Variants in GRIP1 observed in about 807,000 individuals in gnomAD.
The protein encoded by GRIP1 is glutamate receptor interacting protein 1.
In GRIP1, 45 loss-of-function variants were observed where a neutral mutation model predicts 129.9. The ratio of observed to expected loss-of-function variants is 0.35; its 90% CI spans 0.27 to 0.44. The LOEUF (loss-of-function observed/expected upper bound fraction) is 0.44. Among genes scored for constraint, GRIP1 ranks in the 20% least tolerant of loss-of-function variants. The pLI, the probability that GRIP1 is intolerant of heterozygous loss-of-function variation, is 1.00. For missense variants in GRIP1, 1,196 were observed against 1,396.8 expected (o/e 0.86, Z 2.29); for synonymous variants, 530 against 520.8 (o/e 1.02, Z -0.24).
intron 15 of GRIP1, among the ~76,000 whole-genome samples, chr12:66,416,402 T>C (rs1442479044): frequency 6.6e-6 from 1 of 151,742 alleles, no homozygotes; most frequent in Non-Finnish European, 1.5e-5. Context: ...AAATAAATAA[T>C]AAAGATCAGA....
In GRIP1 at chr12:66,872,890, G is replaced by A. The variant is rs143512396; in HGVS notation, c.58+196160C>T. On this transcript the variant is annotated intron_variant, in intron 1 of 1. Coordinates refer to the GRIP1 transcript ENST00000643019. ...CACAGTGGGTCAGGAAATTGGATGG[G>A]ACACAGAGGACATATGTTCTTTCTG... 9.9e-5 allele frequency among the ~76,000 whole-genome samples: 15 copies of A among 152,174 alleles called. No homozygotes were observed. In the East Asian group the frequency reaches 2.9e-3, roughly 29 times the overall value.
chr12:66,368,847 G>A (rs1383417738), intron 23 of GRIP1, among the ~76,000 whole-genome samples: 1 of 152,136 alleles, frequency 6.6e-6, no homozygotes, highest in Non-Finnish European at 1.5e-5. Flanking sequence ...CTTTTGTAAT[G>A]ACCATATCTC....
At chr12:66,711,970 C>T (rs1039239457) in intron 1 of GRIP1, among the ~76,000 whole-genome samples, 3 of 151,912 alleles carry the variant, frequency 2.0e-5, no homozygotes, top group African/African-American at 7.2e-5. Context: ...TCATGCAAAA[C>T]TACCACATGT....
intron 1 of GRIP1, among the ~76,000 whole-genome samples, chr12:66,695,460 G>A (rs199780443): frequency 3.9e-5 from 6 of 152,142 alleles, no homozygotes; most frequent in South Asian, 2.1e-4. Context: ...GTGACTTGTC[G>A]GTGGTTGGCT....
At chr12:66,410,426 G>A (rs2057356495) in intron 15 of GRIP1, among the ~76,000 whole-genome samples, 1 of 150,436 alleles carries the variant, frequency 6.6e-6, no homozygotes, top group Non-Finnish European at 1.5e-5. Context: ...GAGGTCAGGA[G>A]TTCGAGACAA....
intron 1 of GRIP1, among the ~76,000 whole-genome samples, chr12:67,057,857 A>G (rs568294613): frequency 5.7e-4 from 87 of 152,368 alleles, no homozygotes; most frequent in African/African-American, 2.0e-3. Context: ...TGCCTTGTTC[A>G]AGGTTTTCAT....
chr12:66,707,637 G>C (rs185872854), intron 1 of GRIP1, among the ~76,000 whole-genome samples: 31 of 151,852 alleles, frequency 2.0e-4, no homozygotes, highest in Admixed American at 1.4e-3. Flanking sequence ...TTGCAAGTGG[G>C]GGAAAAGATG....
rs1324115093 is a variant in GRIP1, at chr12:66,348,636, C to T, written c.*383G>A. ...ACATTAATGACTTCATAGTAAGAAA[C>T]TGATTTCAAAGTGAATTAAGGAAAT... On this transcript the variant is annotated 3_prime_UTR_variant, in exon 25 of 25. Transcript: ENST00000359742. 7 of 235,852 alleles carry T rather than the reference C, an allele frequency of 3.0e-5. No homozygotes were observed. The East Asian group carries it at 6.2e-4, about 21-fold the overall frequency. The allele number at this position is 235,852 out of a possible 1,614,324, so 14.6% of individuals were successfully genotyped here.
At chr12:66,840,716 G>C (rs2039700504) in intron 1 of GRIP1, among the ~76,000 whole-genome samples, 1 of 152,166 alleles carries the variant, frequency 6.6e-6, no homozygotes, top group African/African-American at 2.4e-5. Context: ...TGCCAAGCTT[G>C]ATAGAACAAG....
At chr12:66,770,987 G>A (rs1451329008) in intron 1 of GRIP1, among the ~76,000 whole-genome samples, 1 of 152,120 alleles carries the variant, frequency 6.6e-6, no homozygotes, top group African/African-American at 2.4e-5. Flanking sequence ...CAGCTACTCG[G>A]GAGGCTGAGG....
At chr12:66,689,483 T>C (rs1234963843) in intron 1 of GRIP1, among the ~76,000 whole-genome samples, 1 of 152,196 alleles carries the variant, frequency 6.6e-6, no homozygotes, top group East Asian at 1.9e-4. Context: ...AGTCTATATA[T>C]ACATTTCAAA....
chr12:66,851,297 T>C (rs1189082605), intron 1 of GRIP1, among the ~76,000 whole-genome samples: 1 of 151,950 alleles, frequency 6.6e-6, no homozygotes, highest in Non-Finnish European at 1.5e-5. Context: ...GAGACGGGGC[T>C]GCACAGTAAA....
intron 2 of GRIP1, among the ~76,000 whole-genome samples, chr12:66,578,438 C>T (rs1178932603): frequency 6.6e-6 from 1 of 152,148 alleles, no homozygotes; most frequent in African/African-American, 2.4e-5. Flanking sequence ...CGTGCGCGAG[C>T]CAAAGCAGGG....
intron 1 of GRIP1, among the ~76,000 whole-genome samples, chr12:66,791,341 C>T (rs1055087809): frequency 1.1e-4 from 17 of 152,046 alleles, no homozygotes; most frequent in African/African-American, 3.4e-4. Flanking sequence ...AAGAGAGGTG[C>T]GATTTGGGAA....
chr12:66,396,104 T>C (rs1341140192), intron 16 of GRIP1, among the ~76,000 whole-genome samples: 2 of 152,236 alleles, frequency 1.3e-5, no homozygotes, highest in African/African-American at 4.8e-5. Context: ...ATTTGATTAG[T>C]AGTCCCTGGC....
At chr12:67,047,286 T>C (rs889743219) in intron 1 of GRIP1, among the ~76,000 whole-genome samples, 3 of 152,174 alleles carry the variant, frequency 2.0e-5, no homozygotes, top group Admixed American at 6.5e-5. Context: ...TTCACTTTAC[T>C]AACTTAAAAA....
chr12:66,737,229 T>C (rs1363233724), intron 1 of GRIP1, among the ~76,000 whole-genome samples: 1 of 152,206 alleles, frequency 6.6e-6, no homozygotes, highest in Non-Finnish European at 1.5e-5. Flanking sequence ...TTCTAGGTTC[T>C]GCAAATTGTC....
At chr12:66,895,260 G>T (rs1410902059) in intron 1 of GRIP1, among the ~76,000 whole-genome samples, 1 of 152,112 alleles carries the variant, frequency 6.6e-6, no homozygotes, top group Non-Finnish European at 1.5e-5. Context: ...TCAAGGGGGT[G>T]GGTTTTTCCC....
At chr12:66,526,649 C>G (rs1400377143) in intron 5 of GRIP1, among the ~76,000 whole-genome samples, 1 of 151,622 alleles carries the variant, frequency 6.6e-6, no homozygotes, top group Non-Finnish European at 1.5e-5. Context: ...ACACCAAAAG[C>G]AATGGCAACA....
Sources: gnomAD v4.1 joint callset for allele counts (sites outside exome capture counted in the v4.1 genomes callset) on GRCh38, gnomAD v4.1.1 for gene constraint, MANE v1.5 for transcripts, NCBI Gene and HGNC (gene_info 2026-07-23, HGNC 2026-07-21) for gene names.